The following RANBP17 variants were observed in gnomAD, a reference collection of about 807,000 sequenced individuals.
The protein encoded by RANBP17 is RAN binding protein 17.
A neutral mutation model predicts 141.2 loss-of-function variants in RANBP17; 158 were observed. The ratio of observed to expected loss-of-function variants is 1.12; its 90% CI spans 0.98 to 1.28. The LOEUF (loss-of-function observed/expected upper bound fraction) is 1.28. RANBP17 is among the 50% of genes most tolerant of loss of function. The pLI is 0.00. For missense variants in RANBP17, 1,438 were observed against 1,290.7 expected, an observed-to-expected ratio of 1.11 and a Z score of -1.75; for synonymous variants, 430 against 450.0, an observed-to-expected ratio of 0.96 and a Z score of 0.56.
intron 22 of RANBP17, among the ~76,000 whole-genome samples, chr5:171,231,909 G>A (rs1348331816): frequency 2.6e-5 from 4 of 151,986 alleles, no homozygotes; most frequent in Non-Finnish European, 5.9e-5. Context: ...AGTGAAAAAT[G>A]GGAAAACAAA....
intron 14 of RANBP17, among the ~76,000 whole-genome samples, chr5:171,025,492 C>G (rs190010405): frequency 2.0e-5 from 3 of 151,776 alleles, no homozygotes; most frequent in African/African-American, 7.3e-5. Flanking sequence ...TTACTTAATT[C>G]CTGTTTTCTC....
At chr5:171,198,437 G>A (rs973395932) in intron 18 of RANBP17, among the ~76,000 whole-genome samples, 9 of 152,196 alleles carry the variant, frequency 5.9e-5, no homozygotes, top group African/African-American at 2.2e-4. Flanking sequence ...ATTAGAGTCA[G>A]CCAGATCAGC....
At chr5:170,952,003 A>G (rs1775249851) in intron 12 of RANBP17, among the ~76,000 whole-genome samples, 1 of 152,046 alleles carries the variant, frequency 6.6e-6, no homozygotes, top group South Asian at 2.1e-4. Context: ...TGCTTTCATG[A>G]TGAAGAAAGA....
chr5:171,156,902 T>C (rs1758943101), intron 14 of RANBP17, among the ~76,000 whole-genome samples: 1 of 152,170 alleles, frequency 6.6e-6, no homozygotes, highest in Non-Finnish European at 1.5e-5. Context: ...GGGGCATTTT[T>C]CCCTATGATC....
intron 3 of RANBP17, among the ~76,000 whole-genome samples, chr5:170,884,958 G>A (rs1049270609): frequency 6.6e-6 from 1 of 151,792 alleles, no homozygotes; most frequent in African/African-American, 2.4e-5. Flanking sequence ...AGTAGGTGTA[G>A]GTTTCTCCCT....
chr5:171,155,328 C>T (rs1184413369), intron 14 of RANBP17, among the ~76,000 whole-genome samples: 4 of 151,214 alleles, frequency 2.6e-5, no homozygotes, highest in Non-Finnish European at 4.4e-5. Flanking sequence ...AGAAAGTAGC[C>T]ATAGAGAAAG....
At chr5:171,019,711 G>T (rs1780714601) in intron 14 of RANBP17, among the ~76,000 whole-genome samples, 1 of 151,196 alleles carries the variant, frequency 6.6e-6, no homozygotes, top group African/African-American at 2.4e-5. Context: ...TTTAAACCAG[G>T]TCCTGGATTC....
chr5:171,049,271 A>G (rs1370733417), intron 14 of RANBP17, among the ~76,000 whole-genome samples: 1 of 152,130 alleles, frequency 6.6e-6, no homozygotes, highest in African/African-American at 2.4e-5. Flanking sequence ...GGCTGCATGT[A>G]TGTCTTCTTT....
At chr5:170,900,588 C>A (rs1351373647) in intron 5 of RANBP17, among the ~76,000 whole-genome samples, 2 of 152,092 alleles carry the variant, frequency 1.3e-5, no homozygotes, top group Non-Finnish European at 2.9e-5. Flanking sequence ...TTTTCTAGTT[C>A]TTTTAATTGT....
chr5:170,877,914 T>C (rs769086333), intron 1 of RANBP17, among the ~76,000 whole-genome samples, 183 bp from the exon 2 acceptor site: 7 of 152,182 alleles, frequency 4.6e-5, no homozygotes, highest in Non-Finnish European at 8.8e-5. Flanking sequence ...GTAAATAATT[T>C]GGGGAGTAGG....
At chr5:171,037,063 A>G (rs552421285) in intron 14 of RANBP17, among the ~76,000 whole-genome samples, 64 of 152,274 alleles carry the variant, frequency 4.2e-4, no homozygotes, top group African/African-American at 1.5e-3. Flanking sequence ...CCAACAGTGT[A>G]TAAGCGTTCC....
chr5:171,098,180 T>C (rs563777269), intron 14 of RANBP17, among the ~76,000 whole-genome samples: 25 of 152,296 alleles, frequency 1.6e-4, no homozygotes, highest in Non-Finnish European at 3.1e-4. Flanking sequence ...TCAAATGGTA[T>C]TTCTGATTCT....
intron 12 of RANBP17, among the ~76,000 whole-genome samples, chr5:170,946,099 C>A (rs139190191): frequency 1.3e-5 from 2 of 152,202 alleles, no homozygotes; most frequent in East Asian, 3.9e-4. Context: ...AGATTTCAGT[C>A]ACAGCTCTGC....
chr5:171,272,823 G>A (rs761680700), intron 25 of RANBP17, among the ~76,000 whole-genome samples: 1 of 114,678 alleles, frequency 8.7e-6, no homozygotes, highest in Non-Finnish European at 1.8e-5. Context: ...AAGAGGCAGC[G>A]GGCAAGAGAG....
chr5:170,919,694 C>T, intron 11 of RANBP17, 81 bp downstream of exon 11: 1 of 1,115,784 alleles, frequency 9.0e-7, no homozygotes, highest in Middle Eastern at 2.1e-4. Context: ...ATTTAAAATT[C>T]ACCCCTTTTA....
At chr5:171,162,259 A>G (rs2127859296) in intron 14 of RANBP17, among the ~76,000 whole-genome samples, 1 of 152,292 alleles carries the variant, frequency 6.6e-6, no homozygotes, top group South Asian at 2.1e-4. Flanking sequence ...AACAGGAGCA[A>G]AGCTGTGTCA....
chr5:171,255,014 C>T (rs1456567120), intron 24 of RANBP17, among the ~76,000 whole-genome samples: 1 of 152,188 alleles, frequency 6.6e-6, no homozygotes, highest in African/African-American at 2.4e-5. Context: ...GCTGCTTAAA[C>T]AGATGTGCTG....
intron 18 of RANBP17, among the ~76,000 whole-genome samples, chr5:171,192,225 G>A (rs926035919): frequency 6.6e-6 from 1 of 152,106 alleles, no homozygotes; most frequent in African/African-American, 2.4e-5. Flanking sequence ...AAATAGACAT[G>A]GGGGGATGGG....
intron 14 of RANBP17, among the ~76,000 whole-genome samples, chr5:171,037,417 T>G (rs1781952673): frequency 6.6e-6 from 1 of 152,200 alleles, no homozygotes; most frequent in Non-Finnish European, 1.5e-5. Context: ...TAGTTTCTTT[T>G]GCTGTGCAGA....
Sources: gnomAD v4.1 joint callset for allele counts (sites outside exome capture counted in the v4.1 genomes callset) on GRCh38, gnomAD v4.1.1 for gene constraint, MANE v1.5 for transcripts, NCBI Gene and HGNC (gene_info 2026-07-23, HGNC 2026-07-21) for gene names.